MGAT4C: variants seen among roughly 807,000 people sequenced by gnomAD.
The protein encoded by MGAT4C is MGAT4 family member C, also known as alpha-1,3-mannosyl-glycoprotein 4-beta-N-acetylglucosaminyltransferase C.
In MGAT4C, 19 loss-of-function variants were observed where a neutral mutation model predicts 40.1. The observed-to-expected ratio is 0.47, with a 90% confidence interval of 0.33 to 0.70. The LOEUF is 0.70. Among genes scored for constraint, MGAT4C ranks in the 30% least tolerant of loss-of-function variants. The probability of loss-of-function intolerance (pLI) is 0.02; values close to 1 mark genes in which losing one functional copy is unlikely to be tolerated. For synonymous variants in MGAT4C, 181 were observed against 187.1 expected, an observed-to-expected ratio of 0.97 and a Z score of 0.27; for missense variants, 491 against 563.2, an observed-to-expected ratio of 0.87 and a Z score of 1.30.
chr12:86,706,064 CATTG>C (rs1203723363), intron 2 of MGAT4C, among the ~76,000 whole-genome samples: 1 of 151,972 alleles, frequency 6.6e-6, no homozygotes, highest in Non-Finnish European at 1.5e-5. Flanking sequence ...CCTTACTTTC[CATTG>C]ATACACAAAA....
chr12:86,517,366 A>C (rs925880319), intron 2 of MGAT4C, among the ~76,000 whole-genome samples: 2 of 152,220 alleles, frequency 1.3e-5, no homozygotes, highest in African/African-American at 4.8e-5. Context: ...CCATCAATTC[A>C]AACATAAAGT....
rs1237078163 is a variant in MGAT4C at position 86,135,513 on chromosome 12, T to C, written c.-56-85790A>G. 2.0e-5 allele frequency among the ~76,000 whole-genome samples: 3 copies of C among 152,098 alleles called. No homozygotes were observed. The East Asian group carries it at 5.8e-4, about 29-fold the overall frequency. On this transcript the variant is annotated intron_variant, in intron 1 of 4. Transcript: ENST00000611864. The stretch of plus-strand genomic sequence containing the variant: ...GATGGTGTAATTACGCAAGCAAATA[T>C]TGAGGTTGTATTACTTAAAAAAGTA...
In MGAT4C at chr12:85,963,048, C is replaced by G. The variant is rs866216156; in HGVS notation, c.*16241G>C. ...TTAATTAATATAAACAATAAATTCA[C>G]TTAAACAACTATTTACATGCAAAAG... is the stretch of plus-strand genomic sequence containing the variant. On this transcript the variant is annotated 3_prime_UTR_variant, in exon 5 of 5. Coordinates refer to ENST00000611864, the MANE Select transcript of MGAT4C (RefSeq NM_001351288.2). 6.6e-6 allele frequency: 1 copy of G among 151,784 alleles called. No homozygotes were observed. Among genetic ancestry groups the G allele is most frequent in the South Asian group, 2.1e-4 (1 of 4,832 alleles). 9.4% of individuals were successfully genotyped at this position (151,784 alleles called of 1,614,324 possible).
intron 2 of MGAT4C, among the ~76,000 whole-genome samples, chr12:86,605,243 G>A (rs1330285307): frequency 6.6e-6 from 1 of 152,030 alleles, no homozygotes; most frequent in African/African-American, 2.4e-5. Context: ...GTAAATTCTT[G>A]TATAATTGCT....
chr12:86,471,450 G>T (rs1957756688), intron 2 of MGAT4C, among the ~76,000 whole-genome samples: 1 of 151,838 alleles, frequency 6.6e-6, no homozygotes, highest in Non-Finnish European at 1.5e-5. Flanking sequence ...CACATATATT[G>T]CAATCCCTAG....
At chr12:86,813,488 A>G (rs1353018760) in intron 1 of MGAT4C, among the ~76,000 whole-genome samples, 1 of 143,618 alleles carries the variant, frequency 7.0e-6, no homozygotes, top group African/African-American at 2.6e-5. Flanking sequence ...ATGCTTTTCA[A>G]ACACATTTTT....
intron 2 of MGAT4C, among the ~76,000 whole-genome samples, chr12:86,020,848 G>T (rs952601709): frequency 6.6e-6 from 1 of 151,912 alleles, no homozygotes; most frequent in African/African-American, 2.4e-5. Flanking sequence ...CTGACAAAGG[G>T]GCTAATATCC....
chr12:86,331,869 T>C (rs1188202393), intron 4 of MGAT4C, among the ~76,000 whole-genome samples: 7 of 152,186 alleles, frequency 4.6e-5, no homozygotes, highest in Non-Finnish European at 7.3e-5. Flanking sequence ...ATAGGTTGTA[T>C]ATTTATAATA....
At chr12:86,734,209 CAAATT>C (rs1950952097) in intron 1 of MGAT4C, among the ~76,000 whole-genome samples, 1 of 151,924 alleles carries the variant, frequency 6.6e-6, no homozygotes. Context: ...AATAAAAAGA[CAAATT>C]AAAAATAATT....
At chr12:86,566,693 ATATG>A in intron 2 of MGAT4C, among the ~76,000 whole-genome samples, 1 of 145,706 alleles carries the variant, frequency 6.9e-6, no homozygotes, top group Non-Finnish European at 1.5e-5. Flanking sequence ...TGTATATATT[ATATG>A]TATTATATAT....
chr12:86,564,049 A>C (rs895532985), intron 2 of MGAT4C, among the ~76,000 whole-genome samples: 3 of 152,100 alleles, frequency 2.0e-5, no homozygotes, highest in African/African-American at 7.2e-5. Context: ...ATATCTGTGG[A>C]GAGATTGAAG....
rs554704618 is a variant in MGAT4C at position 86,294,535 on chromosome 12, G to A, written c.-57+39530C>T. ...TGTTCCGAAAATCAAAACAAAAAGA[G>A]AACAAAGTACTTCATTTTATTCAAC... On this transcript the variant is annotated intron_variant, in intron 4 of 7. Transcript: ENST00000548651. Among the ~76,000 whole-genome samples, 11 of 152,198 alleles carry A rather than the reference G, an allele frequency of 7.2e-5. No individual in the cohort carries two copies. The South Asian group carries it at 1.9e-3, about 26-fold the overall frequency.
chr12:86,669,464 G>T (rs947406852), intron 2 of MGAT4C, among the ~76,000 whole-genome samples: 1 of 152,202 alleles, frequency 6.6e-6, no homozygotes, highest in Non-Finnish European at 1.5e-5. Flanking sequence ...TGTCCAGGCA[G>T]ATCTCCAAGC....
Position 86,676,321 on chromosome 12 carries a change from A to G in MGAT4C, c.-229+50888T>C, listed in dbSNP as rs1012415723. On this transcript the variant is annotated intron_variant, in intron 2 of 7. Coordinates refer to the MGAT4C transcript ENST00000548651. ...AGAGAACATGGTGGAAAGCATGGAAAGCTTAATTTTAAATAATTAGCTTTG... is the reference window on the plus strand; with the variant it reads ...AGAGAACATGGTGGAAAGCATGGAAGGCTTAATTTTAAATAATTAGCTTTG... 5.3e-5 allele frequency among the ~76,000 whole-genome samples: 8 copies of G among 152,202 alleles called. 1 individual carries two copies. Among genetic ancestry groups the G allele is most frequent in the Admixed American group, 4.6e-4 (7 of 15,264 alleles).
intron 2 of MGAT4C, among the ~76,000 whole-genome samples, chr12:86,004,709 G>A (rs922549336): frequency 2.6e-5 from 4 of 152,060 alleles, no homozygotes; most frequent in African/African-American, 9.7e-5. Flanking sequence ...ACAGTTTGTT[G>A]GTTCTTAAAT....
intron 3 of MGAT4C, among the ~76,000 whole-genome samples, chr12:86,426,673 C>A (rs902112784): frequency 6.6e-6 from 1 of 152,072 alleles, no homozygotes; most frequent in Non-Finnish European, 1.5e-5. Context: ...AAGGGCCGGG[C>A]GTGGTGGCTC....
chr12:86,566,565 TATATA>T, intron 2 of MGAT4C, among the ~76,000 whole-genome samples: 1 of 130,982 alleles, frequency 7.6e-6, no homozygotes, highest in African/African-American at 2.8e-5. Context: ...TATATATATA[TATATA>T]TATATGTATA....
At chr12:86,366,018 G>A (rs1566327003) in intron 3 of MGAT4C, among the ~76,000 whole-genome samples, 1 of 152,178 alleles carries the variant, frequency 6.6e-6, no homozygotes, top group African/African-American at 2.4e-5. Flanking sequence ...TCCAATCCAT[G>A]AGCATGAAAT....
intron 1 of MGAT4C, among the ~76,000 whole-genome samples, chr12:86,192,590 T>C (rs139946174): frequency 2.0e-5 from 3 of 152,308 alleles, no homozygotes; most frequent in African/African-American, 7.2e-5. Context: ...AAGTGCAAAG[T>C]GTGGCCCATG....
Sources: gnomAD v4.1 joint callset for allele counts (sites outside exome capture counted in the v4.1 genomes callset) on GRCh38, gnomAD v4.1.1 for gene constraint, MANE v1.5 for transcripts, NCBI Gene and HGNC (gene_info 2026-07-23, HGNC 2026-07-21) for gene names.